KCNMA1: variants seen among roughly 807,000 people sequenced by gnomAD.
The protein encoded by KCNMA1 is potassium calcium-activated channel subfamily M alpha 1.
A neutral mutation model predicts 140.0 loss-of-function variants in KCNMA1; 29 were observed. The ratio of observed to expected loss-of-function variants is 0.21; its 90% CI spans 0.15 to 0.28. The LOEUF (loss-of-function observed/expected upper bound fraction) is 0.28, where lower values mean the gene tolerates loss of function less well. KCNMA1 is among the 10% of genes least tolerant of loss of function. The probability of loss-of-function intolerance (pLI) is 1.00; values close to 1 mark genes in which losing one functional copy is unlikely to be tolerated. For synonymous variants in KCNMA1, 612 were observed against 611.9 expected, an observed-to-expected ratio of 1.00 and a Z score of 0.00; for missense variants, 880 against 1,602.2, an observed-to-expected ratio of 0.55 and a Z score of 7.70.
intron 12 of KCNMA1, among the ~76,000 whole-genome samples, chr10:77,081,546 T>C (rs901086655): frequency 1.3e-5 from 2 of 152,118 alleles, no homozygotes; most frequent in African/African-American, 4.8e-5. Context: ...TCACCCCTTT[T>C]AGTGCAGAAA....
intron 1 of KCNMA1, among the ~76,000 whole-genome samples, chr10:77,543,042 TTTCTCTCTCTCTCA>T (rs934169678): frequency 6.9e-5 from 10 of 144,400 alleles, no homozygotes; most frequent in East Asian, 2.0e-4. Flanking sequence ...TCTCTCTCTC[TTTCTCTCTCTCTCA>T]TTCTCTCTCT....
At chr10:76,892,045 A>G (rs1057431228) in intron 25 of KCNMA1, among the ~76,000 whole-genome samples, 1 of 152,136 alleles carries the variant, frequency 6.6e-6, no homozygotes, top group Non-Finnish European at 1.5e-5. Context: ...CCTAAAGTCT[A>G]CGTGACTACT....
chr10:77,128,301 G>T (rs569024049), intron 5 of KCNMA1, among the ~76,000 whole-genome samples: 26 of 151,282 alleles, frequency 1.7e-4, no homozygotes, highest in Non-Finnish European at 3.7e-4. Flanking sequence ...ACTTAAGGTG[G>T]GTTTCTTTCC....
chr10:77,408,003 C>T (rs2096527707), intron 1 of KCNMA1, among the ~76,000 whole-genome samples: 1 of 152,172 alleles, frequency 6.6e-6, no homozygotes, highest in Non-Finnish European at 1.5e-5. Context: ...GCTGTGACTC[C>T]TGCAGGGCTT....
chr10:77,550,037 C>A (rs2062389107), intron 1 of KCNMA1, among the ~76,000 whole-genome samples: 1 of 152,194 alleles, frequency 6.6e-6, no homozygotes, highest in South Asian at 2.1e-4. Context: ...AAGTTGAAAA[C>A]AAATGGAGTA....
At chr10:77,227,086 C>A (rs977212292) in intron 3 of KCNMA1, among the ~76,000 whole-genome samples, 1 of 152,126 alleles carries the variant, frequency 6.6e-6, no homozygotes, top group African/African-American at 2.4e-5. Flanking sequence ...GAGCTTGTGG[C>A]ATAGTAGATA....
At chr10:77,602,690 TAGC>T (rs1296186593) in intron 1 of KCNMA1, among the ~76,000 whole-genome samples, 1 of 152,118 alleles carries the variant, frequency 6.6e-6, no homozygotes, top group Non-Finnish European at 1.5e-5. Context: ...CAGTCCTACC[TAGC>T]AGCCCTTGCA....
intron 1 of KCNMA1, among the ~76,000 whole-genome samples, chr10:77,461,328 C>T (rs923054300): frequency 4.6e-5 from 7 of 151,998 alleles, no homozygotes; most frequent in Non-Finnish European, 1.0e-4. Flanking sequence ...TGACCCTTGC[C>T]CCACCCTGCT....
At chr10:77,526,974 C>T (rs2055978216) in intron 1 of KCNMA1, among the ~76,000 whole-genome samples, 1 of 152,198 alleles carries the variant, frequency 6.6e-6, no homozygotes, top group Non-Finnish European at 1.5e-5. Context: ...TATTACATTG[C>T]CATTTCCTTT....
At chr10:77,141,495 G>C (rs971082974) in intron 5 of KCNMA1, among the ~76,000 whole-genome samples, 1 of 152,192 alleles carries the variant, frequency 6.6e-6, no homozygotes, top group African/African-American at 2.4e-5. Flanking sequence ...GCCATGTCAG[G>C]ACACAGTGAG....
intron 3 of KCNMA1, among the ~76,000 whole-genome samples, chr10:77,226,366 T>C (rs1431060371): frequency 6.6e-6 from 1 of 152,034 alleles, no homozygotes; most frequent in Non-Finnish European, 1.5e-5. Context: ...CACTTGTTGA[T>C]TTTTAGCAGC....
chr10:77,181,253 C>T (rs2098800132), intron 5 of KCNMA1, among the ~76,000 whole-genome samples: 1 of 152,142 alleles, frequency 6.6e-6, no homozygotes, highest in African/African-American at 2.4e-5. Context: ...AGTGGTTGTT[C>T]GAGTGCACAG....
chr10:77,590,401 G>A (rs935101110), intron 1 of KCNMA1, among the ~76,000 whole-genome samples: 6 of 152,352 alleles, frequency 3.9e-5, no homozygotes, highest in East Asian at 1.9e-4. Context: ...CAGGCATGGC[G>A]GGCTGCAGGT....
At chr10:77,047,088 T>C (rs993992998) in intron 14 of KCNMA1, among the ~76,000 whole-genome samples, 3 of 152,186 alleles carry the variant, frequency 2.0e-5, no homozygotes, top group African/African-American at 7.2e-5. Context: ...TTATGGCCTC[T>C]TTCAGAGAGC....
intron 2 of KCNMA1, among the ~76,000 whole-genome samples, chr10:77,259,696 T>C (rs2061551231): frequency 6.6e-6 from 1 of 152,218 alleles, no homozygotes; most frequent in Non-Finnish European, 1.5e-5. Flanking sequence ...AAGCCTCACC[T>C]GCTCACATGG....
At chr10:77,011,055 A>C (rs1209813498) in intron 18 of KCNMA1, among the ~76,000 whole-genome samples, 1 of 152,170 alleles carries the variant, frequency 6.6e-6, no homozygotes, top group Non-Finnish European at 1.5e-5. Context: ...CACCCCTGCC[A>C]ATTACATGGG....
At chr10:77,327,681 C>A (rs2084723206) in intron 2 of KCNMA1, among the ~76,000 whole-genome samples, 1 of 152,060 alleles carries the variant, frequency 6.6e-6, no homozygotes, top group Admixed American at 6.5e-5. Context: ...AAGTATCAAC[C>A]ACATCCTCCT....
chr10:77,560,797 G>C (rs2066111876), intron 1 of KCNMA1, among the ~76,000 whole-genome samples: 2 of 152,220 alleles, frequency 1.3e-5, no homozygotes, highest in African/African-American at 4.8e-5. Context: ...TTTGGGCCCA[G>C]CCTCTACATC....
At chr10:77,398,937 T>C (rs541134210) in intron 2 of KCNMA1, among the ~76,000 whole-genome samples, 2 of 152,316 alleles carry the variant, frequency 1.3e-5, no homozygotes, top group East Asian at 3.9e-4. Context: ...CAAAAATGTA[T>C]GGAACACATA....
Sources: gnomAD v4.1 joint callset for allele counts (sites outside exome capture counted in the v4.1 genomes callset) on GRCh38, gnomAD v4.1.1 for gene constraint, MANE v1.5 for transcripts, NCBI Gene and HGNC (gene_info 2026-07-23, HGNC 2026-07-21) for gene names.